Variants in MAGI3 observed in about 807,000 individuals in gnomAD.
MAGI3 encodes membrane-associated guanylate kinase, WW and PDZ domain-containing protein 3.
MAGI3 carries 43 observed loss-of-function variants against 121.8 expected under a neutral mutation model. The ratio of observed to expected loss-of-function variants is 0.35; its 90% CI spans 0.28 to 0.46. The LOEUF (loss-of-function observed/expected upper bound fraction) is 0.46, where lower values mean the gene tolerates loss of function less well. Among genes scored for constraint, MAGI3 ranks in the 20% least tolerant of loss-of-function variants. The pLI is 1.00. For missense variants in MAGI3, 1,547 were observed against 1,797.3 expected (o/e 0.86, Z 2.52); for synonymous variants, 553 against 639.3 (o/e 0.86, Z 2.04).
intron 9 of MAGI3, among the ~76,000 whole-genome samples, chr1:113,625,506 G>A (rs1265554791): frequency 1.3e-5 from 2 of 152,090 alleles, no homozygotes; most frequent in Non-Finnish European, 2.9e-5. Flanking sequence ...ATTGTTCACT[G>A]GCATATAGAA....
At chr1:113,482,519 T>C (rs1272405367) in intron 1 of MAGI3, among the ~76,000 whole-genome samples, 1 of 151,988 alleles carries the variant, frequency 6.6e-6, no homozygotes. Flanking sequence ...TTATTTTTCA[T>C]AGAGGCGAGG....
chr1:113,431,641 A>G (rs12030900), intron 1 of MAGI3, among the ~76,000 whole-genome samples: 27,155 of 152,138 alleles, frequency 0.18, 3,152 homozygotes, highest in East Asian at 0.63. Flanking sequence ...AAAGTATATC[A>G]AGATGTAAGT....
intron 9 of MAGI3, among the ~76,000 whole-genome samples, chr1:113,624,846 C>T (rs1651119979): frequency 6.6e-6 from 1 of 152,096 alleles, no homozygotes; most frequent in East Asian, 1.9e-4. Context: ...AGTTTGAAGT[C>T]TTAGATTTAA....
intron 3 of MAGI3, among the ~76,000 whole-genome samples, chr1:113,585,186 T>C (rs1350189839): frequency 6.6e-6 from 1 of 152,004 alleles, no homozygotes; most frequent in African/African-American, 2.4e-5. Flanking sequence ...CAAGCTGATC[T>C]GAAACTCCTG....
Position 113,434,758 on chromosome 1 carries a change from C to T in MAGI3, c.316+43409C>T, listed in dbSNP as rs577640926. On this transcript the variant is annotated intron_variant, in intron 1 of 20. Transcript: ENST00000307546. ...CTGTTCAACAAATATTTATTGTATGCCTACTGTTTCAGTCACTGTGCTGAA... is the reference window on the plus strand; with the variant it reads ...CTGTTCAACAAATATTTATTGTATGTCTACTGTTTCAGTCACTGTGCTGAA... Among the ~76,000 whole-genome samples the T allele has an allele frequency of 7.9e-5, 12 of 152,302 alleles. No individual in the cohort carries two copies. In the South Asian group the frequency reaches 1.9e-3, roughly 24 times the overall value.
intron 9 of MAGI3, among the ~76,000 whole-genome samples, chr1:113,641,033 T>TATG (rs1557868895): frequency 4.9e-4 from 6 of 12,370 alleles, no homozygotes; most frequent in Non-Finnish European, 1.2e-3. Flanking sequence ...ATATATATGA[T>TATG]ATATATAATA....
At chr1:113,677,493 C>T (rs1023728696) in intron 19 of MAGI3, among the ~76,000 whole-genome samples, 5 of 152,146 alleles carry the variant, frequency 3.3e-5, no homozygotes, top group Non-Finnish European at 5.9e-5. Flanking sequence ...GTGCTTTCCG[C>T]TATGTCAGGT....
At chr1:113,432,746 G>A (rs1653369986) in intron 1 of MAGI3, among the ~76,000 whole-genome samples, 1 of 151,960 alleles carries the variant, frequency 6.6e-6, no homozygotes, top group Non-Finnish European at 1.5e-5. Flanking sequence ...AGGCAAATCA[G>A]AAATTTGGAG....
At chr1:113,485,960 G>A (rs1335581418) in intron 1 of MAGI3, among the ~76,000 whole-genome samples, 1 of 152,170 alleles carries the variant, frequency 6.6e-6, no homozygotes, top group Non-Finnish European at 1.5e-5. Flanking sequence ...CTTTGTCAAA[G>A]ATCAGTTGGC....
intron 13 of MAGI3, 66 bp downstream of exon 13, chr1:113,649,394 A>T (rs1423413306): frequency 3.5e-6 from 4 of 1,130,918 alleles, no homozygotes; most frequent in Non-Finnish European, 5.1e-6. Flanking sequence ...GATTTGGTGG[A>T]TTATGGTGTG....
At chr1:113,573,358 T>C (rs1457811791) in intron 2 of MAGI3, among the ~76,000 whole-genome samples, 1 of 152,256 alleles carries the variant, frequency 6.6e-6, no homozygotes, top group Non-Finnish European at 1.5e-5. Context: ...GTCTAAACAC[T>C]GCTTTAGCTG....
At chr1:113,511,430 C>T (rs1040793734) in intron 1 of MAGI3, among the ~76,000 whole-genome samples, 10 of 152,214 alleles carry the variant, frequency 6.6e-5, no homozygotes, top group African/African-American at 2.4e-4. Context: ...AAAGAAGAAT[C>T]AGCACTCTGG....
intron 2 of MAGI3, among the ~76,000 whole-genome samples, chr1:113,556,093 C>T (rs1219340307): frequency 6.6e-6 from 1 of 151,910 alleles, no homozygotes; most frequent in Non-Finnish European, 1.5e-5. Context: ...TGGAAACTTA[C>T]AGTATTAAAT....
intron 4 of MAGI3, among the ~76,000 whole-genome samples, chr1:113,590,177 A>T (rs1648608707): frequency 6.6e-6 from 1 of 152,158 alleles, no homozygotes; most frequent in South Asian, 2.1e-4. Flanking sequence ...GACACATAAA[A>T]GGACTACATT....
At chr1:113,544,402 A>C (rs1248288550) in intron 1 of MAGI3, among the ~76,000 whole-genome samples, 1 of 152,256 alleles carries the variant, frequency 6.6e-6, no homozygotes, top group Non-Finnish European at 1.5e-5. Context: ...AAGAGAACTG[A>C]AACATGGTTA....
intron 1 of MAGI3, among the ~76,000 whole-genome samples, chr1:113,482,421 T>G (rs1484559135): frequency 2.0e-5 from 3 of 152,080 alleles, no homozygotes; most frequent in African/African-American, 7.2e-5. Flanking sequence ...ACAGCCTCAA[T>G]CTGCCAGGCT....
chr1:113,652,744 G>A (rs1414152791), intron 14 of MAGI3, among the ~76,000 whole-genome samples: 2 of 152,140 alleles, frequency 1.3e-5, no homozygotes, highest in Non-Finnish European at 2.9e-5. Context: ...CATGACTGCA[G>A]TGTGTTGTGG....
At chr1:113,469,989 G>T (rs995361646) in intron 1 of MAGI3, among the ~76,000 whole-genome samples, 8 of 152,156 alleles carry the variant, frequency 5.3e-5, no homozygotes, top group African/African-American at 1.7e-4. Context: ...AAGTTTATCT[G>T]TTTTTTCTGT....
intron 1 of MAGI3, among the ~76,000 whole-genome samples, chr1:113,432,151 T>C (rs897230004): frequency 8.5e-5 from 13 of 152,224 alleles, no homozygotes; most frequent in African/African-American, 3.1e-4. Context: ...TGGGAAATAA[T>C]GAAGTGGAAT....
Sources: allele counts gnomAD v4.1 joint callset (sites outside exome capture counted in the v4.1 genomes callset), GRCh38; gene constraint gnomAD v4.1.1; transcripts MANE v1.5; gene names NCBI Gene and HGNC (gene_info 2026-07-23, HGNC 2026-07-21).